The following RNF141 variants were observed in gnomAD, a reference collection of about 807,000 sequenced individuals.
RNF141 encodes ring finger protein 141, also known as C3HC4-like zinc finger protein.
In RNF141, 18 loss-of-function variants were observed where a neutral mutation model predicts 27.4. The observed-to-expected ratio is 0.66, with a 90% CI of 0.45 to 0.97. The LOEUF is 0.97. Ranked by LOEUF, RNF141 falls within the 50% of genes least tolerant of loss-of-function variation. RNF141 has a pLI of 0.00. For synonymous variants in RNF141, 97 were observed against 96.6 expected (o/e 1.00, Z -0.02); for missense variants, 230 against 279.4 (o/e 0.82, Z 1.26).
At position 10,514,647 on chromosome 11, in the gene RNF141, GA is replaced by G. The variant is rs1448948211; in HGVS notation, c.*268del. ...AAGTGTTGCTGTTACCTTTAGCAAA[GA>G]ATTCAAGAGCTATTAGTTGTAATAA... On this transcript the variant is annotated 3_prime_UTR_variant, in exon 6 of 6. Transcript: ENST00000265981. The G allele has an allele frequency of 3.5e-6, 1 of 286,334 alleles. No homozygotes were observed. The highest frequency in any genetic ancestry group is 6.4e-6 in the Non-Finnish European group (1 of 156,334). The allele number at this position is 286,334 out of a possible 1,614,324, so 17.7% of individuals were successfully genotyped here.
intron 4 of RNF141, among the ~76,000 whole-genome samples, chr11:10,524,232 G>A (rs917931283): frequency 1.3e-5 from 2 of 152,124 alleles, no homozygotes. Flanking sequence ...TGGCTAACAC[G>A]GTGAAACCCC....
intron 3 of RNF141, among the ~76,000 whole-genome samples, chr11:10,526,167 C>A (rs1031207868): frequency 2.0e-5 from 3 of 152,128 alleles, no homozygotes; most frequent in Non-Finnish European, 2.9e-5. Flanking sequence ...TTCCTTTCAG[C>A]ACAAGACATA....
Position 10,534,125 on chromosome 11 carries a change from C to T in RNF141, c.34G>A (p.Val12Ile). ...ACTTTTTCTGGTAACTTGTTAATAACCAACTGTGTCTGATCCGAAATTTGC... is the reference window on the plus strand; with the variant it reads ...ACTTTTTCTGGTAACTTGTTAATAATCAACTGTGTCTGATCCGAAATTTGC... ...GQQISDQTQL[V>I]INKLPEKVAK... Residue 12 changes from valine (V) to isoleucine (I), a missense_variant, in exon 2 of 6, where the codon GTT becomes ATT. Physicochemically the swap from Val to Ile is conservative, Grantham distance 29. Transcript: ENST00000265981. 6.2e-7 allele frequency: 1 copy of T among 1,613,492 alleles called. No homozygotes were observed. Among genetic ancestry groups the T allele is most frequent in the Non-Finnish European group, 8.5e-7 (1 of 1,179,614 alleles).
At position 10,530,669 on chromosome 11, in the gene RNF141, C is replaced by G; in HGVS notation, c.226G>C (p.Val76Leu). ...PGSDSSAFWK[V>L]VVRVVCTKIN... ...TTGGTACAGACCACCCGTACAACCA[C>G]TTTCCAAAAAGCAGAGGAATCAGAC... Residue 76 changes from valine to leucine, a missense_variant, in exon 3 of 6, where the codon GTG (valine) becomes CTG (leucine). Coordinates refer to ENST00000265981, the MANE Select transcript of RNF141 (RefSeq NM_016422.4). The G allele has an allele frequency of 1.2e-6, 2 of 1,610,790 alleles. No homozygotes were observed. The highest frequency in any genetic ancestry group is 1.7e-6 in the Non-Finnish European group (2 of 1,177,962).
chr11:10,525,111 A>G, intron 4 of RNF141, 81 bp downstream of exon 4: 1 of 1,087,870 alleles, frequency 9.2e-7, no homozygotes, highest in East Asian at 2.6e-5. Context: ...TGCTACAATG[A>G]GCAACAGCAA....
Position 10,525,363 on chromosome 11 carries a change from C to A in RNF141, c.263G>T (p.Ser88Ile). ...CCGTGATGCCTCCACAATGCCACTG[C>A]TTTTGTTAATCTAAAAATACAAAGA... Reference protein sequence around the residue: ...VRVVCTKINKSSGIVEASRIM... With the variant: ...VRVVCTKINKISGIVEASRIM... The change falls in exon 4 of 6, where the codon AGC becomes ATC. Residue 88 changes from serine (S) to isoleucine (I), a missense_variant. Transcript: ENST00000265981. The A allele has an allele frequency of 1.3e-6, 2 of 1,552,656 alleles. No individual in the cohort carries two copies. Among genetic ancestry groups the A allele is most frequent in the Admixed American group, 2.0e-5 (1 of 51,206 alleles).
At position 10,514,575 on chromosome 11, in the gene RNF141, C is replaced by A; in HGVS notation, c.*341G>T. The A allele has an allele frequency of 5.6e-6, 1 of 180,180 alleles. No individual in the cohort carries two copies. Among genetic ancestry groups the A allele is most frequent in the Non-Finnish European group, 1.2e-5 (1 of 86,916 alleles). The allele number at this position is 180,180 out of a possible 1,614,324, so 11.2% of individuals were successfully genotyped here. A position where few individuals can be genotyped will look rare whatever the true frequency, so the allele number is the denominator to read the frequency against. ...ATTTTATATCTAAGTAAAAAGATTC[C>A]AGAATACTCCTGCCCTGCAAAACAG... On this transcript the variant is annotated 3_prime_UTR_variant, in exon 6 of 6. Coordinates refer to ENST00000265981, the MANE Select transcript of RNF141 (RefSeq NM_016422.4).
chr11:10,532,801 G>C (rs1850000389), intron 2 of RNF141, among the ~76,000 whole-genome samples: 1 of 152,124 alleles, frequency 6.6e-6, no homozygotes, highest in Non-Finnish European at 1.5e-5. Flanking sequence ...ACTATTAATA[G>C]TGACTACAGT....
intron 1 of RNF141, among the ~76,000 whole-genome samples, chr11:10,537,714 A>G (rs1229272326): frequency 6.6e-6 from 1 of 152,240 alleles, no homozygotes; most frequent in African/African-American, 2.4e-5. Context: ...GATTGGACAA[A>G]GGAGAAGTAA....
intron 4 of RNF141, among the ~76,000 whole-genome samples, chr11:10,522,061 TGA>T (rs1849892081): frequency 6.6e-6 from 1 of 152,218 alleles, no homozygotes; most frequent in Non-Finnish European, 1.5e-5. Flanking sequence ...GCAATTCATC[TGA>T]GAGATAATTA....
At chr11:10,540,700 G>C (rs1393417764) in intron 1 of RNF141, 1 of 152,122 alleles carries the variant, frequency 6.6e-6, no homozygotes, top group East Asian at 1.9e-4. Flanking sequence ...GAGCCCGCGG[G>C]CCACCCTAGC....
chr11:10,518,822 T>TCA (rs1157427602), intron 5 of RNF141: 1 of 420,004 alleles, frequency 2.4e-6, no homozygotes, highest in African/African-American at 2.1e-5. Flanking sequence ...AAGAAAAGTG[T>TCA]CAAAACTAAG....
chr11:10,512,837 A>C lies in RNF141; in HGVS notation c.*2079T>G, dbSNP rs944653253. The stretch of plus-strand genomic sequence containing the variant: ...AATTCAAACATGCTGGATATCACCA[A>C]TGCATTAATGTTTTTATTCATTGAC... On this transcript the variant is annotated 3_prime_UTR_variant, in exon 6 of 6. Coordinates refer to ENST00000265981, the MANE Select transcript of RNF141 (RefSeq NM_016422.4). The C allele has an allele frequency of 6.6e-6, 1 of 152,170 alleles. No individual in the cohort carries two copies. The highest frequency in any genetic ancestry group is 2.4e-5 in the African/African-American group (1 of 41,450). 9.4% of individuals were successfully genotyped at this position (152,170 alleles called of 1,614,324 possible).
At chr11:10,539,701 A>ATATATATATATATATATATATATATAT (rs10524171) in intron 1 of RNF141, among the ~76,000 whole-genome samples, 643 of 31,332 alleles carry the variant, frequency 0.021, 82 homozygotes, top group African/African-American at 0.04. Context: ...CATATATATT[A>ATATATATATATATATATATATATATAT]GAGAGAGAAG....
rs1591501195 is a variant in RNF141 at position 10,534,211 on chromosome 11, A to C, written c.-47-6T>G. On this transcript the variant is annotated splice_polypyrimidine_tract_variant and splice_region_variant and intron_variant, in intron 1 of 5. Transcript: ENST00000265981. ...AGTGTTGCTTCACATAGTTTCTGTC[A>C]AATATACAGAAAAGTTACTTTTACA... is the stretch of plus-strand genomic sequence containing the variant. 2 of 1,566,756 alleles carry C rather than the reference A, an allele frequency of 1.3e-6. No homozygotes were observed. Among genetic ancestry groups the C allele is most frequent in the East Asian group, 4.5e-5 (2 of 44,400 alleles).
In RNF141 at chr11:10,514,788, A is replaced by C. The variant is rs1180549068; in HGVS notation, c.*128T>G. On this transcript the variant is annotated 3_prime_UTR_variant, in exon 6 of 6. Coordinates refer to ENST00000265981, the MANE Select transcript of RNF141 (RefSeq NM_016422.4). ...TTTTAAAAGGGGGACAAATGATCAG[A>C]ATAGCAAAAATAAAAGAGTGGGGAA... The C allele has an allele frequency of 4.7e-6, 4 of 852,450 alleles. No individual in the cohort carries two copies. The highest frequency in any genetic ancestry group is 1.7e-5 in the African/African-American group (1 of 57,374). The allele number at this position is 852,450 out of a possible 1,614,324, so 52.8% of individuals were successfully genotyped here. A position where few individuals can be genotyped will look rare whatever the true frequency, so the allele number is the denominator to read the frequency against.
In RNF141 at chr11:10,514,823, T is replaced by A; in HGVS notation, c.*93A>T. On this transcript the variant is annotated 3_prime_UTR_variant, in exon 6 of 6. Coordinates refer to ENST00000265981, the MANE Select transcript of RNF141 (RefSeq NM_016422.4). Reference sequence around the variant, plus strand: ...ATAAAAGAGTGGGGAAAATGGATTTTCCTGTGTCTGTGCCAGTGCCACAAC... The same window carrying A: ...ATAAAAGAGTGGGGAAAATGGATTTACCTGTGTCTGTGCCAGTGCCACAAC... The A allele has an allele frequency of 8.3e-7, 1 of 1,204,910 alleles. No individual in the cohort carries two copies. Among genetic ancestry groups the A allele is most frequent in the East Asian group, 2.7e-5 (1 of 37,570 alleles). 74.6% of individuals were successfully genotyped at this position (1,204,910 alleles called of 1,614,324 possible).
rs745492048 is a variant in RNF141 at position 10,533,999 on chromosome 11, A to G, written c.143+17T>C. ...ACAACAAGGGGAAAAACGAAAAACA[A>G]AAAGAGCAAGCCTTACACATCATTA... is the stretch of plus-strand genomic sequence containing the variant. On this transcript the variant is annotated intron_variant, in intron 2 of 5. Coordinates refer to ENST00000265981, the MANE Select transcript of RNF141 (RefSeq NM_016422.4). 1.7e-5 allele frequency: 28 copies of G among 1,607,884 alleles called. No homozygotes were observed. The South Asian group carries it at 3.0e-4, about 17-fold the overall frequency.
intron 1 of RNF141, among the ~76,000 whole-genome samples, chr11:10,538,592 A>AG (rs1850057716): frequency 6.6e-6 from 1 of 152,248 alleles, no homozygotes; most frequent in Non-Finnish European, 1.5e-5. Flanking sequence ...TGAGGACAGC[A>AG]GCTATGGTCT....
Sources: gnomAD v4.1 joint callset for allele counts (sites outside exome capture counted in the v4.1 genomes callset) on GRCh38, gnomAD v4.1.1 for gene constraint, MANE v1.5 for transcripts, NCBI Gene and HGNC (gene_info 2026-07-23, HGNC 2026-07-21) for gene names.